Variants in COL6A5 observed in about 807,000 individuals in gnomAD.
COL6A5 encodes collagen alpha-5(VI) chain.
Under a neutral mutation model 65.6 loss-of-function variants are expected in COL6A5, and 48 were observed. The observed-to-expected ratio is 0.73, with a 90% CI of 0.58 to 0.93. The LOEUF is 0.93. Among genes scored for constraint, COL6A5 ranks in the 40% least tolerant of loss-of-function variants. The pLI, the probability that COL6A5 is intolerant of heterozygous loss-of-function variation, is 0.00. For missense variants in COL6A5, 914 were observed against 928.3 expected, an observed-to-expected ratio of 0.98 and a Z score of 0.20; for synonymous variants, 291 against 322.8, an observed-to-expected ratio of 0.90 and a Z score of 1.05.
intron 5 of COL6A5, among the ~76,000 whole-genome samples, chr3:130,467,288 A>T (rs572833013): frequency 6.6e-6 from 1 of 152,122 alleles, no homozygotes; most frequent in East Asian, 1.9e-4. Flanking sequence ...GAGCTGGTTA[A>T]TGGGCACAAA....
At chr3:130,423,951 C>G in intron 29 of COL6A5, 51 bp downstream of exon 29, 4 of 1,363,566 alleles carry the variant, frequency 2.9e-6, no homozygotes, top group Non-Finnish European at 4.1e-6. Flanking sequence ...CCAGTATGTT[C>G]CATGGAAAGG....
exon 29 of COL6A5, chr3:130,423,896 A>G (rs1937558242): frequency 1.3e-6 from 2 of 1,547,992 alleles, no homozygotes; most frequent in Non-Finnish European, 8.7e-7. Context: ...CCTCCTGGAC[A>G]GAGAGTAAGT....
chr3:130,351,365 A>T (rs1163491262), intron 1 of COL6A5, among the ~76,000 whole-genome samples: 1 of 152,224 alleles, frequency 6.6e-6, no homozygotes, highest in Non-Finnish European at 1.5e-5. Context: ...CTACCACCAG[A>T]GTGAACAGGC....
In COL6A5 at chr3:130,398,128, GTTTTTTT is replaced by G; in HGVS notation, c.3991+31_3991+37del. ...GAGAAGCAGGTATTGAGTTGTTGTTGTTTTTTTTTTTTTTTTTTTTGAGATGGAGTGT... is the reference window on the plus strand; with the variant it reads ...GAGAAGCAGGTATTGAGTTGTTGTTGTTTTTTTTTTTTTGAGATGGAGTGT... On this transcript the variant is annotated intron_variant and NMD_transcript_variant, in intron 10 of 41. Coordinates refer to the COL6A5 transcript ENST00000312481. 11 of 906,550 alleles carry G rather than the reference GTTTTTTT, an allele frequency of 1.2e-5. No individual in the cohort carries two copies. The highest frequency in any genetic ancestry group is 3.2e-5 in the East Asian group (1 of 31,070). 56.2% of individuals were successfully genotyped at this position (906,550 alleles called of 1,614,324 possible).
rs1338537043 is a variant in COL6A5 at position 130,409,408 on chromosome 3, T to C, written c.4542+20T>C. 3 of 1,542,388 alleles carry C rather than the reference T, an allele frequency of 1.9e-6. No homozygotes were observed. The highest frequency in any genetic ancestry group is 2.6e-6 in the Non-Finnish European group (3 of 1,142,016). On this transcript the variant is annotated intron_variant and NMD_transcript_variant, in intron 18 of 41. Transcript: ENST00000312481. ...GATCCGGTAAGTTTCTAGGGCCCAG[T>C]TGGCTCTGAATTTTATACTTGCTCC...
chr3:130,418,630 T>C (rs1362887759), intron 24 of COL6A5, among the ~76,000 whole-genome samples: 2 of 152,112 alleles, frequency 1.3e-5, no homozygotes, highest in Non-Finnish European at 2.9e-5. Context: ...ACTTTTTGTC[T>C]TCTCCTTCAG....
intron 11 of COL6A5, among the ~76,000 whole-genome samples, chr3:130,401,536 T>C (rs1936816827): frequency 6.6e-6 from 1 of 152,220 alleles, no homozygotes; most frequent in African/African-American, 2.4e-5. Flanking sequence ...ATGCCCTGTC[T>C]ATAGACAGAG....
At chr3:130,362,353 T>G (rs1577428416) in intron 1 of COL6A5, among the ~76,000 whole-genome samples, 1 of 140,896 alleles carries the variant, frequency 7.1e-6, no homozygotes, top group Non-Finnish European at 1.5e-5. Context: ...TTTTTGCATG[T>G]GGATGTCTGG....
At chr3:130,471,643 G>T in intron 7 of COL6A5, 39 bp from the exon 40 acceptor site, 1 of 1,520,460 alleles carries the variant, frequency 6.6e-7, no homozygotes, top group South Asian at 1.2e-5. Flanking sequence ...CAGGGGACTT[G>T]GCTAACTAAT....
Position 130,424,486 on chromosome 3 carries a change from C to T in COL6A5, c.5163+586C>T, listed in dbSNP as rs575750224. On this transcript the variant is annotated intron_variant and NMD_transcript_variant, in intron 29 of 41. Transcript: ENST00000312481. ...TAATGATTTAGTTACATGTCTGTCT[C>T]TCCTAACAAGCACAGTCAGGTGAGA... Among the ~76,000 whole-genome samples the T allele has an allele frequency of 1.4e-3, 218 of 152,118 alleles. 1 individual carries two copies. The highest frequency in any genetic ancestry group is 3.2e-3 in the Middle Eastern group (1 of 316).
chr3:130,401,887 T>C (rs1477156407), intron 12 of COL6A5, 33 bp downstream of exon 12: 3 of 1,478,126 alleles, frequency 2.0e-6, no homozygotes, highest in Non-Finnish European at 2.8e-6. Context: ...TTTTATCTAA[T>C]GTGCCTTGAT....
chr3:130,384,682 G>T, intron 4 of COL6A5, 122 bp from the exon 5 acceptor site: 2 of 730,448 alleles, frequency 2.7e-6, no homozygotes, highest in Non-Finnish European at 4.4e-6. Flanking sequence ...AAGTGTGCAG[G>T]CTCTACGCAA....
At chr3:130,470,832 T>G in intron 6 of COL6A5, 39 bp from the exon 39 acceptor site, 1 of 1,432,792 alleles carries the variant, frequency 7.0e-7, no homozygotes, top group African/African-American at 1.4e-5. Flanking sequence ...ATAATGTAGG[T>G]GGGTAAAATT....
chr3:130,465,694 G>A (rs1709799383), intron 5 of COL6A5, among the ~76,000 whole-genome samples: 1 of 151,972 alleles, frequency 6.6e-6, no homozygotes, highest in South Asian at 2.1e-4. Flanking sequence ...CACAATGTCT[G>A]GCATAAGAAG....
At chr3:130,390,921 G>C (rs775443862) in intron 6 of COL6A5, among the ~76,000 whole-genome samples, 13 of 152,184 alleles carry the variant, frequency 8.5e-5, no homozygotes, top group Non-Finnish European at 1.6e-4. Flanking sequence ...AGAGTGGTGT[G>C]GCATAAGGAC....
In COL6A5 at chr3:130,376,851, G is replaced by A; in HGVS notation, c.667+15G>A. On this transcript the variant is annotated intron_variant and NMD_transcript_variant, in intron 3 of 41. Transcript: ENST00000312481. ...TGATATGCAAGGTAAGGAAACCCTTGGTTGAAGAGGTGCCTGATCCCCAGG... is the reference window on the plus strand; with the variant it reads ...TGATATGCAAGGTAAGGAAACCCTTAGTTGAAGAGGTGCCTGATCCCCAGG... 1 of 1,588,906 alleles carries A rather than the reference G, an allele frequency of 6.3e-7. No homozygotes were observed. Among genetic ancestry groups the A allele is most frequent in the Non-Finnish European group, 8.6e-7 (1 of 1,167,434 alleles).
intron 7 of COL6A5, among the ~76,000 whole-genome samples, chr3:130,480,498 A>G (rs963933963): frequency 6.6e-5 from 10 of 152,122 alleles, no homozygotes; most frequent in African/African-American, 2.4e-4. Flanking sequence ...AGAGAAATGA[A>G]CACTATAAAC....
intron 8 of COL6A5, among the ~76,000 whole-genome samples, chr3:130,395,917 G>A (rs1046289413): frequency 6.8e-4 from 104 of 152,210 alleles, no homozygotes; most frequent in Admixed American, 1.7e-3. Flanking sequence ...ATGTGTGTGT[G>A]TACAGTGTAT....
chr3:130,375,217 G>T (rs1010311774), intron 2 of COL6A5, among the ~76,000 whole-genome samples: 1 of 152,106 alleles, frequency 6.6e-6, no homozygotes, highest in African/African-American at 2.4e-5. Context: ...TTTCTCAGGG[G>T]AACTGTTCTC....
Sources: gnomAD v4.1 joint callset for allele counts (sites outside exome capture counted in the v4.1 genomes callset) on GRCh38, gnomAD v4.1.1 for gene constraint, MANE v1.5 for transcripts, NCBI Gene and HGNC (gene_info 2026-07-23, HGNC 2026-07-21) for gene names.